The following SLC9A6 variants were observed in gnomAD, a reference collection of about 807,000 sequenced individuals.
SLC9A6 encodes solute carrier family 9 member A6, also known as sodium/hydrogen exchanger 6.
SLC9A6 carries 6 observed loss-of-function variants against 45.3 expected under a neutral mutation model. That is an observed-to-expected ratio of 0.13 (90% CI 0.07 to 0.26). The LOEUF (loss-of-function observed/expected upper bound fraction) is 0.26. Among genes scored for constraint, SLC9A6 ranks in the 10% least tolerant of loss-of-function variants. The pLI is 1.00. For missense variants in SLC9A6, 278 were observed against 503.7 expected, an observed-to-expected ratio of 0.55 and a Z score of 4.29; for synonymous variants, 191 against 187.7, an observed-to-expected ratio of 1.02 and a Z score of -0.14.
Position 136,033,464 on chromosome X carries a change from T to G in SLC9A6, c.1632T>G (p.Leu544=). 8.5e-7 allele frequency: 1 copy of G among 1,177,837 alleles called. No individual in the cohort carries two copies. Among genetic ancestry groups the G allele is most frequent in the Admixed American group, 2.2e-5 (1 of 45,124 alleles). The part of the protein sequence containing the change: ...RRTTKAESAW[L]FRMWYNFDHN... ...CTACCAAAGCAGAGAGTGCTTGGCT[T>G]TTCCGGATGTGGTACAACTTTGATC... The change falls in exon 16 of 18, where the codon CTT becomes CTG. Residue 544 remains leucine, a synonymous_variant. Coordinates refer to ENST00000630721, the MANE Select transcript of SLC9A6 (RefSeq NM_001379110.1).
chrX:135,992,209 A>G (rs1002357279), intron 2 of SLC9A6, among the ~76,000 whole-genome samples: 1 of 111,505 alleles, frequency 9.0e-6, no homozygotes, highest in African/African-American at 3.3e-5. Context: ...TACCAAATCA[A>G]TTAAGGTTCC....
At chrX:135,975,981 CAAA>C (rs782541566) in intron 1 of SLC9A6, among the ~76,000 whole-genome samples, 12 of 62,459 alleles carry the variant, frequency 1.9e-4, no homozygotes, top group Admixed American at 4.2e-4. Context: ...TTTCTCTAAC[CAAA>C]AAAAAAAAAA....
At chrX:136,000,308 A>G (rs1389956024) in intron 6 of SLC9A6, among the ~76,000 whole-genome samples, 1 of 107,043 alleles carries the variant, frequency 9.3e-6, no homozygotes, top group Non-Finnish European at 1.9e-5. Context: ...TTAGAGGGCC[A>G]TTTTAGAGAA....
chrX:135,984,768 C>T (rs1293063569), upstream of SLC9A6, among the ~76,000 whole-genome samples: 9 of 111,508 alleles, frequency 8.1e-5, no homozygotes, highest in African/African-American at 2.9e-4. Context: ...ATTTTTTCTT[C>T]GGGAGGGAAG....
chrX:135,988,814 A>G (rs1462971020), intron 2 of SLC9A6, among the ~76,000 whole-genome samples: 1 of 108,661 alleles, frequency 9.2e-6, no homozygotes, highest in Non-Finnish European at 1.9e-5. Context: ...GGGTCTTCCC[A>G]TGTTGCCCAG....
intron 7 of SLC9A6, chrX:136,009,988 G>C (rs2070888983): frequency 8.4e-6 from 1 of 119,420 alleles, no homozygotes; most frequent in African/African-American, 3.2e-5. Flanking sequence ...TTTTCTCATA[G>C]GAAAAACAAA....
At chrX:135,988,439 T>C (rs2089372857) in intron 2 of SLC9A6, among the ~76,000 whole-genome samples, 1 of 109,899 alleles carries the variant, frequency 9.1e-6, no homozygotes, top group South Asian at 4.0e-4. Context: ...TTTTCTTTCT[T>C]TCTTTCTTTC....
At chrX:136,038,222 C>T (rs1387384474) in intron 16 of SLC9A6, among the ~76,000 whole-genome samples, 2 of 111,680 alleles carry the variant, frequency 1.8e-5, no homozygotes, top group African/African-American at 6.5e-5. Context: ...TTCTAGTCTG[C>T]TGAGAGTTTT....
intron 2 of SLC9A6, among the ~76,000 whole-genome samples, chrX:135,986,994 T>C (rs1419842517): frequency 1.8e-5 from 2 of 111,407 alleles, no homozygotes; most frequent in Non-Finnish European, 3.8e-5. Flanking sequence ...CAAAAGACAT[T>C]GCTCCATGCA....
intron 8 of SLC9A6, 53 bp downstream of exon 8, chrX:136,010,636 T>C (rs1345484440): frequency 9.3e-7 from 1 of 1,072,843 alleles, no homozygotes; most frequent in Non-Finnish European, 1.3e-6. Flanking sequence ...AGTAGTTGAA[T>C]GCTGTATTCC....
At chrX:136,011,473 G>A (rs976508251) in intron 8 of SLC9A6, among the ~76,000 whole-genome samples, 3 of 109,914 alleles carry the variant, frequency 2.7e-5, no homozygotes, top group South Asian at 4.0e-4. Flanking sequence ...AACTCCTGAC[G>A]TCAAGTGATC....
chrX:136,007,298 T>G (rs1603205612), intron 7 of SLC9A6, among the ~76,000 whole-genome samples: 2 of 107,783 alleles, frequency 1.9e-5, no homozygotes, highest in African/African-American at 6.8e-5. Context: ...TGGGGGGGGG[T>G]TCCTATTGAC....
Position 135,985,599 on chromosome X carries a change from G to T in SLC9A6, c.-56-4G>T, listed in dbSNP as rs782312727. ...CATGCGGCCCCTTTGGTTGCTCCTCGCAGTGGGCGTCTTTGACTGGGCAGG... is the reference window on the plus strand; with the variant it reads ...CATGCGGCCCCTTTGGTTGCTCCTCTCAGTGGGCGTCTTTGACTGGGCAGG... On this transcript the variant is annotated splice_region_variant and splice_polypyrimidine_tract_variant and intron_variant, in intron 1 of 17. Coordinates refer to ENST00000630721, the MANE Select transcript of SLC9A6 (RefSeq NM_001379110.1). 5.8e-6 allele frequency: 7 copies of T among 1,209,642 alleles called. No individual in the cohort carries two copies. In the South Asian group the frequency reaches 1.1e-4, roughly 18 times the overall value.
chrX:135,983,699 G>A (rs1556614429), upstream of SLC9A6: 1 of 106,705 alleles, frequency 9.4e-6, no homozygotes, highest in African/African-American at 3.4e-5. Context: ...CTGTGGCTTC[G>A]GGTTTTTTTT....
At chrX:136,005,121 T>C (rs894008957) in intron 7 of SLC9A6, among the ~76,000 whole-genome samples, 1 of 112,319 alleles carries the variant, frequency 8.9e-6, no homozygotes, top group Admixed American at 9.4e-5. Flanking sequence ...AAATCTCTGT[T>C]CTGGTCTTAT....
chrX:136,010,893 C>T (rs1238173336), intron 8 of SLC9A6, among the ~76,000 whole-genome samples: 1 of 112,359 alleles, frequency 8.9e-6, no homozygotes, highest in Admixed American at 9.4e-5. Flanking sequence ...TTCCAAAGAG[C>T]CTCTGGGTGT....
chrX:136,023,103 G>A (rs1205313032), intron 12 of SLC9A6, among the ~76,000 whole-genome samples: 1 of 91,893 alleles, frequency 1.1e-5, no homozygotes, highest in Non-Finnish European at 2.1e-5. Context: ...GAGGCACCAC[G>A]CCTGGCCTAT....
At chrX:135,981,221 G>A (rs1556613956), upstream of SLC9A6, among the ~76,000 whole-genome samples, 1 of 111,869 alleles carries the variant, frequency 8.9e-6, no homozygotes, top group Non-Finnish European at 1.9e-5. Flanking sequence ...CAGGAAACTT[G>A]CGATCATGGT....
At chrX:136,025,261 CA>C (rs2071207186) in intron 13 of SLC9A6, among the ~76,000 whole-genome samples, 1 of 112,577 alleles carries the variant, frequency 8.9e-6, no homozygotes, top group Non-Finnish European at 1.9e-5. Context: ...CCTTGTATCT[CA>C]AGAGTTCTGC....
Sources: gnomAD v4.1 joint callset for allele counts (sites outside exome capture counted in the v4.1 genomes callset) on GRCh38, gnomAD v4.1.1 for gene constraint, MANE v1.5 for transcripts, NCBI Gene and HGNC (gene_info 2026-07-23, HGNC 2026-07-21) for gene names.